Variants in CPNE4 observed in about 807,000 individuals in gnomAD.
CPNE4 encodes copine 4, also known as copine-4.
In CPNE4, 25 loss-of-function variants were observed where a neutral mutation model predicts 67.9. The observed-to-expected ratio is 0.37, with a 90% CI of 0.27 to 0.51. The LOEUF (loss-of-function observed/expected upper bound fraction) is 0.51. CPNE4 is among the 20% of genes least tolerant of loss of function. CPNE4 has a pLI of 0.93. For missense variants in CPNE4, 464 were observed against 690.8 expected (o/e 0.67, Z 3.68); for synonymous variants, 242 against 244.9 (o/e 0.99, Z 0.11).
At chr3:131,984,229 T>C (rs1293059177) in intron 1 of CPNE4, among the ~76,000 whole-genome samples, 1 of 152,208 alleles carries the variant, frequency 6.6e-6, no homozygotes, top group Non-Finnish European at 1.5e-5. Flanking sequence ...CTCCTAACTC[T>C]TCATCCTGTG....
chr3:131,657,853 C>T (rs992530172), intron 7 of CPNE4, among the ~76,000 whole-genome samples: 5 of 151,902 alleles, frequency 3.3e-5, no homozygotes, highest in Admixed American at 6.6e-5. Flanking sequence ...CGTGAGATAC[C>T]GTGCCCGGCC....
chr3:131,877,796 A>G (rs1428432295), intron 2 of CPNE4, among the ~76,000 whole-genome samples: 1 of 152,208 alleles, frequency 6.6e-6, no homozygotes, highest in Admixed American at 6.5e-5. Context: ...CAAAATGGAC[A>G]TGCAACTGGT....
At chr3:131,630,535 C>A (rs1449761061) in intron 7 of CPNE4, among the ~76,000 whole-genome samples, 1 of 152,174 alleles carries the variant, frequency 6.6e-6, no homozygotes, top group Non-Finnish European at 1.5e-5. Flanking sequence ...ATTTGACTTG[C>A]ACCTATGATG....
chr3:131,973,579 A>AT (rs2072560711), intron 1 of CPNE4, among the ~76,000 whole-genome samples: 1 of 152,144 alleles, frequency 6.6e-6, no homozygotes, highest in Admixed American at 6.6e-5. Context: ...AGTTTAAGTA[A>AT]TTTTTTCAAG....
intron 7 of CPNE4, among the ~76,000 whole-genome samples, chr3:131,664,179 T>C (rs1051052016): frequency 6.6e-6 from 1 of 152,154 alleles, no homozygotes; most frequent in African/African-American, 2.4e-5. Flanking sequence ...TTTGTCAAGA[T>C]TGTTCTGGCA....
At chr3:131,908,167 C>A (rs1007659258) in intron 1 of CPNE4, among the ~76,000 whole-genome samples, 1 of 152,100 alleles carries the variant, frequency 6.6e-6, no homozygotes, top group Non-Finnish European at 1.5e-5. Context: ...TTATTTCAAC[C>A]TCCGTACAGA....
intron 2 of CPNE4, among the ~76,000 whole-genome samples, chr3:131,743,654 G>C (rs2082407159): frequency 1.3e-5 from 2 of 151,796 alleles, no homozygotes; most frequent in Admixed American, 1.3e-4. Context: ...ATTAAAACAG[G>C]GAAACACATG....
chr3:131,547,209 C>T (rs947857493), intron 14 of CPNE4, among the ~76,000 whole-genome samples: 1 of 151,764 alleles, frequency 6.6e-6, no homozygotes, highest in Admixed American at 6.6e-5. Flanking sequence ...AACCCCAGAA[C>T]GTTGGGAGGC....
intron 7 of CPNE4, among the ~76,000 whole-genome samples, chr3:131,611,917 G>A (rs1939864164): frequency 6.6e-6 from 1 of 152,102 alleles, no homozygotes. Context: ...CACGGTAAAT[G>A]AGCCCAAGTC....
At chr3:131,649,163 G>T (rs1201903635) in intron 7 of CPNE4, among the ~76,000 whole-genome samples, 1 of 152,204 alleles carries the variant, frequency 6.6e-6, no homozygotes, top group African/African-American at 2.4e-5. Context: ...TGAAAGGAAA[G>T]TCATATCAAA....
intron 1 of CPNE4, among the ~76,000 whole-genome samples, chr3:131,937,602 A>G (rs1301752296): frequency 2.6e-5 from 4 of 152,150 alleles, no homozygotes; most frequent in Admixed American, 1.3e-4. Context: ...TAAGACCAAA[A>G]TAAACTGTCA....
At chr3:131,901,020 G>T (rs771966498) in intron 2 of CPNE4, among the ~76,000 whole-genome samples, 1 of 152,112 alleles carries the variant, frequency 6.6e-6, no homozygotes, top group Non-Finnish European at 1.5e-5. Context: ...GAAGTTTGGA[G>T]TATAATTTGG....
chr3:132,030,203 C>T lies in CPNE4; in HGVS notation c.-2+4364G>A, dbSNP rs139407464. ...TTGGCTCCACTGCTGTAATTATCTC[C>T]AGGGAACTTGAGTTTCTTTATGAGG... On this transcript the variant is annotated intron_variant, in intron 1 of 15. Transcript: ENST00000429747. 1.5e-3 allele frequency among the ~76,000 whole-genome samples: 225 copies of T among 152,336 alleles called. 1 individual carries two copies. Among genetic ancestry groups the T allele is most frequent in the Non-Finnish European group, 4.1e-4 (28 of 68,030 alleles).
chr3:131,573,957 G>T (rs1462241158), intron 10 of CPNE4, among the ~76,000 whole-genome samples: 1 of 152,042 alleles, frequency 6.6e-6, no homozygotes, highest in African/African-American at 2.4e-5. Flanking sequence ...ACCTCCCTGA[G>T]ATTAGGGCAG....
At chr3:131,630,345 A>C (rs758517538) in intron 7 of CPNE4, among the ~76,000 whole-genome samples, 2 of 152,228 alleles carry the variant, frequency 1.3e-5, no homozygotes, top group Non-Finnish European at 2.9e-5. Context: ...GACCAATGGC[A>C]ACTGGTACTC....
At chr3:131,711,080 T>C (rs1193622655) in intron 3 of CPNE4, among the ~76,000 whole-genome samples, 1 of 152,178 alleles carries the variant, frequency 6.6e-6, no homozygotes, top group East Asian at 1.9e-4. Flanking sequence ...ATTGTCCAAA[T>C]TGGGACACTT....
At chr3:131,624,523 T>G (rs2079014301) in intron 7 of CPNE4, among the ~76,000 whole-genome samples, 1 of 152,136 alleles carries the variant, frequency 6.6e-6, no homozygotes, top group Admixed American at 6.5e-5. Flanking sequence ...TTTTTTTACA[T>G]AGCAGAATAA....
intron 1 of CPNE4, among the ~76,000 whole-genome samples, chr3:131,919,812 A>G (rs1287416552): frequency 6.6e-6 from 1 of 152,202 alleles, no homozygotes; most frequent in Non-Finnish European, 1.5e-5. Flanking sequence ...TTAACATCGA[A>G]CTAGGTGATA....
rs188943741 is a variant in CPNE4 at position 131,970,785 on chromosome 3, T to C, written c.-2+63782A>G. Reference sequence around the variant, plus strand: ...TAAAGTTGTATTGTGAATATATGTATGTGTAGGGGTTAGTGGAGGATTGTT... The same window carrying C: ...TAAAGTTGTATTGTGAATATATGTACGTGTAGGGGTTAGTGGAGGATTGTT... On this transcript the variant is annotated intron_variant, in intron 1 of 15. Transcript: ENST00000429747. Among the ~76,000 whole-genome samples the C allele has an allele frequency of 5.8e-4, 88 of 152,284 alleles. 1 individual carries two copies. The highest frequency in any genetic ancestry group is 1.2e-4 in the Non-Finnish European group (8 of 68,020).
Sources: gnomAD v4.1 joint callset for allele counts (sites outside exome capture counted in the v4.1 genomes callset) on GRCh38, gnomAD v4.1.1 for gene constraint, MANE v1.5 for transcripts, NCBI Gene and HGNC (gene_info 2026-07-23, HGNC 2026-07-21) for gene names.